The following FGGY variants were observed in gnomAD, a reference collection of about 807,000 sequenced individuals.
FGGY encodes FGGY carbohydrate kinase domain-containing protein.
A neutral mutation model predicts 71.3 loss-of-function variants in FGGY; 72 were observed. The observed-to-expected ratio is 1.01, with a 90% CI of 0.84 to 1.23. FGGY has a LOEUF of 1.23. Ranked by LOEUF, FGGY falls within the 50% of genes most tolerant of loss-of-function variation. FGGY has a pLI of 0.00. For missense variants in FGGY, 668 were observed against 682.3 expected, an observed-to-expected ratio of 0.98 and a Z score of 0.23; for synonymous variants, 251 against 250.3, an observed-to-expected ratio of 1.00 and a Z score of -0.02.
At chr1:59,386,437 T>G (rs1441867365) in intron 5 of FGGY, among the ~76,000 whole-genome samples, 1 of 152,146 alleles carries the variant, frequency 6.6e-6, no homozygotes, top group African/African-American at 2.4e-5. Context: ...TCTCAACCTA[T>G]CAAGCGAACA....
intron 4 of FGGY, among the ~76,000 whole-genome samples, chr1:59,368,076 G>T (rs1465164602): frequency 6.6e-6 from 1 of 152,086 alleles, no homozygotes; most frequent in Non-Finnish European, 1.5e-5. Context: ...GTAACTGGAG[G>T]ATAGAAAGAC....
chr1:59,519,184 G>C (rs961997805), intron 7 of FGGY, among the ~76,000 whole-genome samples: 41 of 152,292 alleles, frequency 2.7e-4, no homozygotes, highest in African/African-American at 9.1e-4. Context: ...TTATCACTGT[G>C]TTATAAAGAA....
rs116366836 is a variant in FGGY, at chr1:59,699,832, G to A, written c.1512+25699G>A. On this transcript the variant is annotated intron_variant, in intron 14 of 15. Coordinates refer to ENST00000303721, the MANE Select transcript of FGGY (RefSeq NM_018291.5). Reference sequence around the variant, plus strand: ...GATTGCAGAGAAGTGATGACTGTATGTGGTGCTTTGACTTGTTCTGTGCGA... The same window carrying A: ...GATTGCAGAGAAGTGATGACTGTATATGGTGCTTTGACTTGTTCTGTGCGA... Among the ~76,000 whole-genome samples the A allele has an allele frequency of 3.6e-3, 553 of 152,322 alleles. 8 individuals carry two copies. Among genetic ancestry groups the A allele is most frequent in the African/African-American group, 0.013 (530 of 41,578 alleles).
intron 14 of FGGY, among the ~76,000 whole-genome samples, chr1:59,729,066 A>C (rs1200771600): frequency 6.6e-6 from 1 of 151,920 alleles, no homozygotes; most frequent in Non-Finnish European, 1.5e-5. Flanking sequence ...GTTTCCCTCC[A>C]TTCTTTTTTC....
chr1:59,732,299 G>C (rs1450966565), intron 14 of FGGY, among the ~76,000 whole-genome samples: 1 of 152,174 alleles, frequency 6.6e-6, no homozygotes, highest in Non-Finnish European at 1.5e-5. Context: ...GTATTTAGGG[G>C]AAAGTCCTTT....
chr1:59,319,054 G>A (rs1157040243), intron 1 of FGGY, among the ~76,000 whole-genome samples: 1 of 152,198 alleles, frequency 6.6e-6, no homozygotes, highest in Non-Finnish European at 1.5e-5. Flanking sequence ...CAGGCTTCCT[G>A]GTGTTACTGT....
chr1:59,701,368 A>G (rs914572147), intron 14 of FGGY, among the ~76,000 whole-genome samples: 126 of 152,150 alleles, frequency 8.3e-4, no homozygotes, highest in African/African-American at 2.8e-3. Flanking sequence ...TAGACTGGAA[A>G]TTGACTGAGG....
At chr1:59,402,472 T>C (rs1436270949) in intron 5 of FGGY, among the ~76,000 whole-genome samples, 2 of 152,234 alleles carry the variant, frequency 1.3e-5, no homozygotes, top group Admixed American at 1.3e-4. Flanking sequence ...AGGCGTGTCA[T>C]CTGACATCAT....
intron 4 of FGGY, among the ~76,000 whole-genome samples, chr1:59,367,249 T>C (rs2056749030): frequency 6.6e-6 from 1 of 152,238 alleles, no homozygotes; most frequent in Non-Finnish European, 1.5e-5. Context: ...AATTATTTTA[T>C]TCATTCTGAG....
chr1:59,415,034 G>A (rs1480400189), intron 5 of FGGY, among the ~76,000 whole-genome samples: 1 of 152,130 alleles, frequency 6.6e-6, no homozygotes. Context: ...AGGTGGTGGT[G>A]GTAGTGGCTG....
At chr1:59,750,703 G>T (rs1157209239) in intron 14 of FGGY, among the ~76,000 whole-genome samples, 2 of 152,150 alleles carry the variant, frequency 1.3e-5, no homozygotes, top group African/African-American at 2.4e-5. Context: ...AAAAGGAAAA[G>T]AAAGCAAAAT....
At chr1:59,476,007 C>A (rs1053052278) in intron 6 of FGGY, among the ~76,000 whole-genome samples, 26 of 152,208 alleles carry the variant, frequency 1.7e-4, no homozygotes, top group African/African-American at 6.3e-4. Flanking sequence ...CTTACCATGC[C>A]CCCACGTAGT....
intron 4 of FGGY, among the ~76,000 whole-genome samples, chr1:59,373,341 G>C (rs200366645): frequency 6.6e-6 from 1 of 152,060 alleles, no homozygotes; most frequent in Admixed American, 6.6e-5. Flanking sequence ...TAGGAATCCA[G>C]CTTACAAGGG....
intron 14 of FGGY, among the ~76,000 whole-genome samples, chr1:59,726,997 G>A (rs1472935624): frequency 6.6e-6 from 1 of 152,092 alleles, no homozygotes; most frequent in Non-Finnish European, 1.5e-5. Flanking sequence ...CCCAGGTAGT[G>A]AGCATAGTAC....
chr1:59,584,630 C>G (rs1423280965), intron 8 of FGGY, among the ~76,000 whole-genome samples: 1 of 149,996 alleles, frequency 6.7e-6, no homozygotes, highest in Admixed American at 6.6e-5. Context: ...TGCCCTCTCT[C>G]ACCACTGCTA....
chr1:59,421,338 A>T (rs2065378066), intron 5 of FGGY, among the ~76,000 whole-genome samples: 1 of 152,216 alleles, frequency 6.6e-6, no homozygotes, highest in South Asian at 2.1e-4. Context: ...TGATATTGAT[A>T]ATTAGCTATT....
chr1:59,566,462 C>A (rs748853870), intron 8 of FGGY, among the ~76,000 whole-genome samples: 1 of 152,096 alleles, frequency 6.6e-6, no homozygotes, highest in Non-Finnish European at 1.5e-5. Context: ...GTAGTTTCTA[C>A]TCTTTCACTT....
intron 5 of FGGY, among the ~76,000 whole-genome samples, chr1:59,393,488 A>C (rs554304397): frequency 6.6e-6 from 1 of 150,900 alleles, no homozygotes; most frequent in South Asian, 2.1e-4. Context: ...TCTGTGAAAC[A>C]GGGGGTGTTT....
intron 6 of FGGY, among the ~76,000 whole-genome samples, chr1:59,509,356 C>A (rs1232930447): frequency 6.6e-6 from 1 of 152,138 alleles, no homozygotes; most frequent in African/African-American, 2.4e-5. Flanking sequence ...TTCCCTAACC[C>A]CAGTCTATCC....
Sources: allele counts gnomAD v4.1 joint callset (sites outside exome capture counted in the v4.1 genomes callset), GRCh38; gene constraint gnomAD v4.1.1; transcripts MANE v1.5; gene names NCBI Gene and HGNC (gene_info 2026-07-23, HGNC 2026-07-21).